MAP3K3: variants seen among roughly 807,000 people sequenced by gnomAD.
The protein encoded by MAP3K3 is MAP/ERK kinase kinase 3.
Under a neutral mutation model 80.9 loss-of-function variants are expected in MAP3K3, and 12 were observed. The ratio of observed to expected loss-of-function variants is 0.15; its 90% CI spans 0.10 to 0.24. The LOEUF is 0.24. Ranked by LOEUF, MAP3K3 falls within the 10% of genes least tolerant of loss-of-function variation. The pLI is 1.00. For missense variants in MAP3K3, 596 were observed against 834.7 expected, an observed-to-expected ratio of 0.71 and a Z score of 3.52; for synonymous variants, 272 against 307.1, an observed-to-expected ratio of 0.89 and a Z score of 1.19.
At chr17:63,679,048 A>C (rs1213575343) in intron 6 of MAP3K3, among the ~76,000 whole-genome samples, 5 of 152,128 alleles carry the variant, frequency 3.3e-5, no homozygotes, top group Non-Finnish European at 1.5e-5. Context: ...AGTCAGTGTC[A>C]GTTTCTTAAA....
In MAP3K3 at chr17:63,689,458, C is replaced by A; in HGVS notation, c.872-86C>A. ...CTGGTTTGTATATTCCGCCTTGTAGCCCGGGGTGTCTCAGACCTGGTTTGT... is the reference window on the plus strand; with the variant it reads ...CTGGTTTGTATATTCCGCCTTGTAGACCGGGGTGTCTCAGACCTGGTTTGT... On this transcript the variant is annotated intron_variant, in intron 10 of 15. Coordinates refer to ENST00000361733, the MANE Select transcript of MAP3K3 (RefSeq NM_002401.5). The surrounding 1 kb of genome is among the most constrained non-coding windows in gnomAD (Gnocchi z 4.3). The A allele has an allele frequency of 8.4e-7, 1 of 1,191,432 alleles. No homozygotes were observed. The highest frequency in any genetic ancestry group is 1.2e-6 in the Non-Finnish European group (1 of 846,170). The allele number at this position is 1,191,432 out of a possible 1,614,324, so 73.8% of individuals were successfully genotyped here. A position where few individuals can be genotyped will look rare whatever the true frequency, so the allele number is the denominator to read the frequency against.
chr17:63,654,687 G>A (rs2034728115), intron 4 of MAP3K3, among the ~76,000 whole-genome samples: 1 of 152,160 alleles, frequency 6.6e-6, no homozygotes, highest in South Asian at 2.1e-4. Flanking sequence ...ACTTATGAGT[G>A]TATTAGTCTA....
Position 63,691,903 on chromosome 17 carries a change from T to A in MAP3K3, c.1474+41T>A, listed in dbSNP as rs1165565200. 1 of 1,600,478 alleles carries A rather than the reference T, an allele frequency of 6.2e-7. No homozygotes were observed. The highest frequency in any genetic ancestry group is 8.5e-7 in the Non-Finnish European group (1 of 1,169,640). On this transcript the variant is annotated intron_variant, in intron 14 of 15. Coordinates refer to ENST00000361733, the MANE Select transcript of MAP3K3 (RefSeq NM_002401.5). The surrounding 1 kb of genome is among the most constrained non-coding windows in gnomAD (Gnocchi z 4.8). ...ATACATGGAGTCCCCAGGACCTGGG[T>A]TCAAGTCTACCATTGAGTGCCTGCA...
intron 2 of MAP3K3, among the ~76,000 whole-genome samples, chr17:63,644,592 T>A (rs1320187426): frequency 6.6e-6 from 1 of 152,216 alleles, no homozygotes; most frequent in East Asian, 1.9e-4. Flanking sequence ...CCAATAGATA[T>A]AATCCACATA....
intron 1 of MAP3K3, among the ~76,000 whole-genome samples, chr17:63,623,943 G>A (rs992562392): frequency 2.0e-5 from 3 of 151,882 alleles, no homozygotes; most frequent in Admixed American, 2.0e-4. Context: ...TGTCAAATTC[G>A]CCAGATATTG....
At chr17:63,651,959 T>C (rs1392062144) in intron 3 of MAP3K3, among the ~76,000 whole-genome samples, 1 of 152,176 alleles carries the variant, frequency 6.6e-6, no homozygotes, top group African/African-American at 2.4e-5. Context: ...CCTTAGGAGT[T>C]GAGGCCATGT....
intron 5 of MAP3K3, among the ~76,000 whole-genome samples, chr17:63,662,803 G>A (rs1316627179): frequency 2.6e-5 from 4 of 151,786 alleles, no homozygotes; most frequent in South Asian, 4.2e-4. Flanking sequence ...GATTACAGGC[G>A]TGCGCCACTA....
At chr17:63,622,851 C>T in intron 1 of MAP3K3, 88 bp downstream of exon 1, 1 of 376,742 alleles carries the variant, frequency 2.7e-6, no homozygotes, top group Admixed American at 2.9e-5. Context: ...GGGCCACCGC[C>T]TGACAGGCAT....
chr17:63,667,942 G>A (rs1159708799), intron 6 of MAP3K3, among the ~76,000 whole-genome samples: 1 of 152,006 alleles, frequency 6.6e-6, no homozygotes, highest in Non-Finnish European at 1.5e-5. Context: ...TCTAAATCAG[G>A]CCTGTGCATT....
intron 2 of MAP3K3, among the ~76,000 whole-genome samples, chr17:63,641,416 T>C (rs2034440253): frequency 6.6e-6 from 1 of 152,006 alleles, no homozygotes; most frequent in Non-Finnish European, 1.5e-5. Flanking sequence ...CTAATTTTTG[T>C]ATGTTTAGTA....
intron 6 of MAP3K3, among the ~76,000 whole-genome samples, chr17:63,674,410 G>T (rs1348695592): frequency 6.6e-6 from 1 of 152,114 alleles, no homozygotes; most frequent in Non-Finnish European, 1.5e-5. Context: ...CTGTCACCCA[G>T]GCTGGAGTGC....
Position 63,631,542 on chromosome 17 carries a change from C to T in MAP3K3, c.5-1139C>T, listed in dbSNP as rs189704429. ...CAACTCATCCCTCATGTTCCCTTCA[C>T]GATCAACAGATTTATTCATTTTCAA... is the stretch of plus-strand genomic sequence containing the variant. On this transcript the variant is annotated intron_variant, in intron 1 of 15. Transcript: ENST00000361733. 5.6e-4 allele frequency among the ~76,000 whole-genome samples: 86 copies of T among 152,282 alleles called. No homozygotes were observed. In the South Asian group the frequency reaches 0.011, roughly 19 times the overall value.
intron 7 of MAP3K3, among the ~76,000 whole-genome samples, chr17:63,684,240 C>T (rs140878020): frequency 2.0e-5 from 3 of 152,336 alleles, no homozygotes; most frequent in Admixed American, 6.5e-5. Flanking sequence ...AGAGCGTTCA[C>T]AGGACTCAGC....
At chr17:63,628,707 C>A (rs1341217171) in intron 1 of MAP3K3, among the ~76,000 whole-genome samples, 1 of 152,066 alleles carries the variant, frequency 6.6e-6, no homozygotes, top group Non-Finnish European at 1.5e-5. Context: ...TGTTGTTTAT[C>A]TTTTTATCCC....
At chr17:63,627,590 C>T (rs915103382) in intron 1 of MAP3K3, among the ~76,000 whole-genome samples, 1 of 151,344 alleles carries the variant, frequency 6.6e-6, no homozygotes, top group Non-Finnish European at 1.5e-5. Context: ...TTACAGGCAC[C>T]GGCCACCATG....
chr17:63,688,553 C>T lies in MAP3K3; in HGVS notation c.737C>T (p.Ser246Phe). Residue 246 changes from serine to phenylalanine, a missense_variant, in exon 9 of 16, where the codon TCC becomes TTC. Coordinates refer to ENST00000361733, the MANE Select transcript of MAP3K3 (RefSeq NM_002401.5). ...CCATCCTTCCGGAAATCACGAATGTCCCGTGCCCAGAGCTTCCCTGACAAC... is the reference window on the plus strand; with the variant it reads ...CCATCCTTCCGGAAATCACGAATGTTCCGTGCCCAGAGCTTCCCTGACAAC... ...DSPSFRKSRM[S>F]RAQSFPDNRQ... 6.2e-7 allele frequency: 1 copy of T among 1,614,114 alleles called. No individual in the cohort carries two copies. Among genetic ancestry groups the T allele is most frequent in the South Asian group, 1.1e-5 (1 of 91,078 alleles).
chr17:63,634,876 A>T lies in MAP3K3; in HGVS notation c.126+2074A>T, dbSNP rs771594507. ...TACTCATGCTGCAACAGCAGAATTC[A>T]CTTCCCAGACAAGTTGTTTTAGTGG... is the stretch of plus-strand genomic sequence containing the variant. On this transcript the variant is annotated intron_variant, in intron 2 of 15. Coordinates refer to ENST00000361733, the MANE Select transcript of MAP3K3 (RefSeq NM_002401.5). The T allele has an allele frequency of 2.4e-6, 3 of 1,274,930 alleles. No homozygotes were observed. The African/African-American group carries it at 4.4e-5, about 19-fold the overall frequency. The allele number at this position is 1,274,930 out of a possible 1,614,324, so 79.0% of individuals were successfully genotyped here. A position where few individuals can be genotyped will look rare whatever the true frequency, so the allele number is the denominator to read the frequency against.
chr17:63,638,056 C>T (rs1244047289), intron 2 of MAP3K3, among the ~76,000 whole-genome samples: 3 of 152,178 alleles, frequency 2.0e-5, no homozygotes, highest in Non-Finnish European at 4.4e-5. Flanking sequence ...CCTCCCTTCT[C>T]TTTCAAGGGT....
chr17:63,690,182 C>A lies in MAP3K3; in HGVS notation c.1064-82C>A, dbSNP rs1598124078. ...GTGCTGGGTGAGGGGGAGCCTGAGC[C>A]AGAGACCCTGTTCCTGGAGAATGAA... is the stretch of plus-strand genomic sequence containing the variant. On this transcript the variant is annotated intron_variant, in intron 11 of 15. Transcript: ENST00000361733. The A allele has an allele frequency of 2.0e-6, 3 of 1,500,754 alleles. No homozygotes were observed. The East Asian group carries it at 6.8e-5, about 34-fold the overall frequency. The allele number at this position is 1,500,754 out of a possible 1,614,324, so 93.0% of individuals were successfully genotyped here.
Sources: allele counts gnomAD v4.1 joint callset (sites outside exome capture counted in the v4.1 genomes callset), GRCh38; gene constraint gnomAD v4.1.1; non-coding constraint Gnocchi (gnomAD v3.1); transcripts MANE v1.5; gene names NCBI Gene and HGNC (gene_info 2026-07-23, HGNC 2026-07-21).